SIK3: variants seen among roughly 807,000 people sequenced by gnomAD.
SIK3 encodes serine/threonine-protein kinase SIK3.
SIK3 carries 28 observed loss-of-function variants against 144.2 expected under a neutral mutation model. The ratio of observed to expected loss-of-function variants is 0.19; its 90% CI spans 0.14 to 0.27. SIK3 has a LOEUF of 0.27. Ranked by LOEUF, SIK3 falls within the 10% of genes least tolerant of loss-of-function variation. The pLI, the probability that SIK3 is intolerant of heterozygous loss-of-function variation, is 1.00. For synonymous variants in SIK3, 686 were observed against 676.3 expected, an observed-to-expected ratio of 1.01 and a Z score of -0.22; for missense variants, 1,319 against 1,776.0, an observed-to-expected ratio of 0.74 and a Z score of 4.62.
At chr11:117,008,955 C>T (rs537730594) in intron 1 of SIK3, among the ~76,000 whole-genome samples, 1 of 152,168 alleles carries the variant, frequency 6.6e-6, no homozygotes, top group African/African-American at 2.4e-5. Flanking sequence ...TATGATGTAG[C>T]CAGGTGCGGT....
intron 1 of SIK3, among the ~76,000 whole-genome samples, chr11:116,971,348 T>C (rs1949758442): frequency 6.6e-6 from 1 of 152,204 alleles, no homozygotes; most frequent in South Asian, 2.1e-4. Context: ...CTAAGAAATG[T>C]TGCATAATCC....
chr11:116,977,214 TCCTCCCTCCCTCCCTCCCTC>T (rs56347002), intron 1 of SIK3, among the ~76,000 whole-genome samples: 46 of 100,850 alleles, frequency 4.6e-4, no homozygotes, highest in South Asian at 1.5e-3. Flanking sequence ...TCTCTCTTCT[TCCTCCCTCCCTCCCTCCCTC>T]CCTCCCTCCC....
chr11:117,075,159 A>G (rs1030070809), intron 1 of SIK3, among the ~76,000 whole-genome samples: 3 of 152,228 alleles, frequency 2.0e-5, no homozygotes, highest in African/African-American at 7.2e-5. Flanking sequence ...GACACAGATA[A>G]TATCAACTGC....
intron 1 of SIK3, among the ~76,000 whole-genome samples, chr11:116,979,448 T>C (rs1345270590): frequency 1.3e-5 from 2 of 152,224 alleles, no homozygotes; most frequent in Non-Finnish European, 2.9e-5. Flanking sequence ...CTATGATGTT[T>C]CTTTTTTAAA....
intron 4 of SIK3, among the ~76,000 whole-genome samples, chr11:116,900,425 G>C (rs1259598190): frequency 6.6e-6 from 1 of 151,992 alleles, no homozygotes; most frequent in Non-Finnish European, 1.5e-5. Flanking sequence ...TTTCCCCTAA[G>C]CTATCCATTC....
At chr11:117,008,803 A>G (rs12284696) in intron 1 of SIK3, among the ~76,000 whole-genome samples, 17,163 of 152,218 alleles carry the variant, frequency 0.11, 1,152 homozygotes, top group South Asian at 0.19. Context: ...ATAGCCTTGC[A>G]TTTGGTAAAA....
chr11:117,053,339 A>G lies in SIK3; in HGVS notation c.273+44804T>C, dbSNP rs79447250. Among the ~76,000 whole-genome samples the G allele has an allele frequency of 6.7e-3, 966 of 143,530 alleles. 11 individuals carry two copies. Among genetic ancestry groups the G allele is most frequent in the African/African-American group, 0.023 (910 of 39,516 alleles). The allele number at this position is 143,530 out of a possible 152,430, so 94.2% of individuals were successfully genotyped here. Reference sequence around the variant, plus strand: ...GCAACAGAGCAAGACTCTGTCTTGGAAAAAAAAAAAAAAAGTAAAGTGGCA... The same window carrying G: ...GCAACAGAGCAAGACTCTGTCTTGGGAAAAAAAAAAAAAAGTAAAGTGGCA... On this transcript the variant is annotated intron_variant, in intron 1 of 24. Coordinates refer to ENST00000445177, the MANE Select transcript of SIK3 (RefSeq NM_001366686.3).
At chr11:116,944,016 G>A (rs1191740079) in intron 3 of SIK3, among the ~76,000 whole-genome samples, 3 of 151,890 alleles carry the variant, frequency 2.0e-5, no homozygotes, top group Non-Finnish European at 4.4e-5. Flanking sequence ...CAATGAGATA[G>A]GGTACCTTCT....
At position 116,965,734 on chromosome 11, in the gene SIK3, A is replaced by AATATATAT. The variant is rs58587995; in HGVS notation, c.274-8678_274-8671dup. On this transcript the variant is annotated intron_variant, in intron 1 of 24. Coordinates refer to ENST00000445177, the MANE Select transcript of SIK3 (RefSeq NM_001366686.3). Reference sequence around the variant, plus strand: ...CATGGTGAAAACCCGTCTCTGCTAAAATATATATATATATATATATATATA... The same window carrying AATATATAT: ...CATGGTGAAAACCCGTCTCTGCTAAAATATATATATATATATATATATATATATATATA... Among the ~76,000 whole-genome samples the AATATATAT allele has an allele frequency of 1.8e-3, 215 of 118,256 alleles. 2 individuals carry two copies. Among genetic ancestry groups the AATATATAT allele is most frequent in the East Asian group, 2.8e-3 (9 of 3,170 alleles). The allele number at this position is 118,256 out of a possible 152,430, so 77.6% of individuals were successfully genotyped here. A position where few individuals can be genotyped will look rare whatever the true frequency, so the allele number is the denominator to read the frequency against.
chr11:117,043,829 A>C (rs1003513387), intron 1 of SIK3, among the ~76,000 whole-genome samples: 2 of 152,242 alleles, frequency 1.3e-5, no homozygotes, highest in African/African-American at 4.8e-5. Context: ...TGTGTGAAAC[A>C]AAACACAGTA....
intron 4 of SIK3, among the ~76,000 whole-genome samples, chr11:116,897,715 T>C (rs1945488336): frequency 6.6e-6 from 1 of 152,068 alleles, no homozygotes; most frequent in African/African-American, 2.4e-5. Flanking sequence ...AAACCTCCTC[T>C]CCACCAACAT....
intron 3 of SIK3, among the ~76,000 whole-genome samples, chr11:116,948,425 A>G (rs1031439482): frequency 6.6e-6 from 1 of 152,050 alleles, no homozygotes. Flanking sequence ...CCACAGGCTC[A>G]TGCTACCACA....
At chr11:116,963,160 T>G (rs919686695) in intron 1 of SIK3, among the ~76,000 whole-genome samples, 1 of 152,200 alleles carries the variant, frequency 6.6e-6, no homozygotes, top group Non-Finnish European at 1.5e-5. Flanking sequence ...AAAGTTATAT[T>G]CTAGGAGCTC....
chr11:116,882,661 G>C (rs1013252627), intron 6 of SIK3, among the ~76,000 whole-genome samples: 10 of 152,102 alleles, frequency 6.6e-5, no homozygotes, highest in African/African-American at 2.4e-4. Context: ...CTTTCTTGCA[G>C]GCAAGAAAGT....
At chr11:116,979,757 G>A (rs528566522) in intron 1 of SIK3, among the ~76,000 whole-genome samples, 1 of 152,258 alleles carries the variant, frequency 6.6e-6, no homozygotes, top group Admixed American at 6.5e-5. Flanking sequence ...TGAAGCAGGA[G>A]AATCGTTTGA....
chr11:117,021,941 A>C (rs1180539269), intron 1 of SIK3, among the ~76,000 whole-genome samples: 5 of 127,820 alleles, frequency 3.9e-5, no homozygotes, highest in Non-Finnish European at 8.0e-5. Flanking sequence ...AAAAAAAAAA[A>C]AAAAAAAAAA....
At chr11:117,047,188 T>C (rs1953008396) in intron 1 of SIK3, among the ~76,000 whole-genome samples, 1 of 152,180 alleles carries the variant, frequency 6.6e-6, no homozygotes, top group African/African-American at 2.4e-5. Context: ...AATGCAAATG[T>C]TACAAATTTT....
At chr11:116,862,419 T>C (rs1943394609) in intron 16 of SIK3, 92 bp from the exon 17 acceptor site, 25 of 1,558,702 alleles carry the variant, frequency 1.6e-5, no homozygotes, top group African/African-American at 2.7e-5. Context: ...CAAGCTCTCA[T>C]GGGCAGAAAG....
chr11:116,906,684 C>A (rs578200830), intron 4 of SIK3, among the ~76,000 whole-genome samples: 1 of 152,266 alleles, frequency 6.6e-6, no homozygotes, highest in East Asian at 1.9e-4. Context: ...TAACTTTGAT[C>A]TGAGGGAAAA....
Sources: gnomAD v4.1 joint callset for allele counts (sites outside exome capture counted in the v4.1 genomes callset) on GRCh38, gnomAD v4.1.1 for gene constraint, MANE v1.5 for transcripts, NCBI Gene and HGNC (gene_info 2026-07-23, HGNC 2026-07-21) for gene names.